LAMA3: variants seen among roughly 807,000 people sequenced by gnomAD.
LAMA3 encodes laminin subunit alpha-3.
LAMA3 carries 281 observed loss-of-function variants against 402.0 expected under a neutral mutation model. The ratio of observed to expected loss-of-function variants is 0.70; its 90% CI spans 0.63 to 0.77. LAMA3 has a LOEUF of 0.77. LAMA3 is among the 30% of genes least tolerant of loss of function. LAMA3 has a pLI of 0.00. For synonymous variants in LAMA3, 1,431 were observed against 1,558.4 expected (o/e 0.92, Z 1.93); for missense variants, 3,840 against 4,215.5 (o/e 0.91, Z 2.47).
Position 23,800,292 on chromosome 18 carries a change from G to A in LAMA3, c.1604-10074G>A, listed in dbSNP as rs1381334303. 2.6e-5 allele frequency among the ~76,000 whole-genome samples: 4 copies of A among 152,180 alleles called. No homozygotes were observed. In the East Asian group the frequency reaches 7.7e-4, roughly 29 times the overall value. ...GAAATAAAGTCCTCGGGTGATGTTC[G>A]AGCTTCCCCTTGATATCCTGTAACT... On this transcript the variant is annotated intron_variant, in intron 12 of 74. Coordinates refer to ENST00000313654, the MANE Select transcript of LAMA3 (RefSeq NM_198129.4).
chr18:23,733,602 T>C (rs1312520446), intron 2 of LAMA3, among the ~76,000 whole-genome samples: 1 of 152,222 alleles, frequency 6.6e-6, no homozygotes, highest in Admixed American at 6.5e-5. Flanking sequence ...GGTGGTGACA[T>C]AGCCAAACCA....
chr18:23,842,324 T>C lies in LAMA3; in HGVS notation c.3337-71T>C. 3 of 1,579,056 alleles carry C rather than the reference T, an allele frequency of 1.9e-6. No homozygotes were observed. The South Asian group carries it at 3.3e-5, about 18-fold the overall frequency. ...TGTTTTTTAACCTTTGAATACTCTATGATTCCAGTTATTCATAGCTCTTCA... is the reference window on the plus strand; with the variant it reads ...TGTTTTTTAACCTTTGAATACTCTACGATTCCAGTTATTCATAGCTCTTCA... On this transcript the variant is annotated intron_variant, in intron 27 of 74. Transcript: ENST00000313654.
chr18:23,899,509 CA>C (rs1404311581), intron 47 of LAMA3, 54 bp downstream of exon 47: 10 of 1,562,374 alleles, frequency 6.4e-6, no homozygotes, highest in Non-Finnish European at 8.8e-6. Flanking sequence ...ATTTGAAACA[CA>C]ACGTGCAGAG....
intron 11 of LAMA3, among the ~76,000 whole-genome samples, chr18:23,778,197 G>T (rs1187777159): frequency 2.0e-5 from 3 of 152,186 alleles, no homozygotes; most frequent in Non-Finnish European, 4.4e-5. Flanking sequence ...GGGTGAAGGG[G>T]TGAGTACTAG....
chr18:23,784,322 A>G (rs1466013661), intron 12 of LAMA3, among the ~76,000 whole-genome samples, 165 bp downstream of exon 12: 2 of 152,104 alleles, frequency 1.3e-5, no homozygotes, highest in Non-Finnish European at 2.9e-5. Flanking sequence ...GGACCTTGTC[A>G]CTTCCCTTCT....
At chr18:23,874,611 C>T (rs1340249330) in intron 38 of LAMA3, among the ~76,000 whole-genome samples, 1 of 152,228 alleles carries the variant, frequency 6.6e-6, no homozygotes, top group Non-Finnish European at 1.5e-5. Flanking sequence ...GAGGCTTCTG[C>T]CTCTCTCTCC....
intron 36 of LAMA3, among the ~76,000 whole-genome samples, 174 bp from the exon 37 acceptor site, chr18:23,867,660 T>C (rs2064396376): frequency 2.6e-5 from 4 of 152,222 alleles, no homozygotes; most frequent in African/African-American, 2.4e-5. Context: ...GTGTTACTTA[T>C]AATTATTCTG....
chr18:23,933,218 CAT>C (rs2082218638), intron 66 of LAMA3, among the ~76,000 whole-genome samples: 1 of 152,180 alleles, frequency 6.6e-6, no homozygotes, highest in African/African-American at 2.4e-5. Flanking sequence ...CGTATTTCCA[CAT>C]GACACCCATT....
chr18:23,694,243 A>T (rs1568082838), intron 1 of LAMA3, among the ~76,000 whole-genome samples: 1 of 152,214 alleles, frequency 6.6e-6, no homozygotes, highest in African/African-American at 2.4e-5. Context: ...GTTTAAAGTG[A>T]TTATGCACAT....
intron 37 of LAMA3, among the ~76,000 whole-genome samples, chr18:23,870,514 T>C (rs543651652): frequency 3.3e-5 from 5 of 152,094 alleles, no homozygotes; most frequent in Non-Finnish European, 5.9e-5. Context: ...GAAAACAGAA[T>C]CTTCACAAGA....
Position 23,901,283 on chromosome 18 carries a change from G to T in LAMA3, c.6161G>T (p.Gly2054Val), listed in dbSNP as rs2081062381. 1 of 1,614,184 alleles carries T rather than the reference G, an allele frequency of 6.2e-7. No homozygotes were observed. Among genetic ancestry groups the T allele is most frequent in the Non-Finnish European group, 8.5e-7 (1 of 1,180,032 alleles). Residue 2054 changes from glycine (G) to valine (V), a missense_variant, in exon 48 of 75, where the codon GGC becomes GTC. By Grantham distance (109) the Gly-to-Val change is moderately radical (BLOSUM62 -3). Around this residue, in one of 3 missense-constraint regions of LAMA3, gnomAD observed 891 missense variants for 857.5 expected, o/e 1.04. Transcript: ENST00000313654. ...GCTGCCCAAGCCAAGCAGGCAAATG[G>T]CTTGAACCAAGAAAACGAGAGAGCT... ...EAAAQAKQAN[G>V]LNQENERALG... is the part of the protein sequence containing the mutation.
intron 12 of LAMA3, 142 bp from the exon 13 acceptor site, chr18:23,810,224 G>A (rs2063040677): frequency 1.1e-6 from 1 of 947,472 alleles, no homozygotes; most frequent in East Asian, 2.5e-5. Flanking sequence ...CTTGTTTCAG[G>A]TTCCCGATCT....
chr18:23,939,776 GA>G (rs1389158373), intron 68 of LAMA3, among the ~76,000 whole-genome samples: 1 of 152,198 alleles, frequency 6.6e-6, no homozygotes, highest in African/African-American at 2.4e-5. Flanking sequence ...CGCAGTGCCA[GA>G]TAGATCATTT....
chr18:23,832,982 T>A (rs2063515631), intron 23 of LAMA3, among the ~76,000 whole-genome samples: 1 of 152,148 alleles, frequency 6.6e-6, no homozygotes, highest in Non-Finnish European at 1.5e-5. Flanking sequence ...CAGAACAATC[T>A]TAAGAGGGGG....
At chr18:23,926,885 T>C (rs2082018707) in intron 62 of LAMA3, among the ~76,000 whole-genome samples, 2 of 152,248 alleles carry the variant, frequency 1.3e-5, no homozygotes, top group Admixed American at 6.5e-5. Context: ...CGATCTCACA[T>C]TGAGTCCTTA....
At chr18:23,791,635 G>A in intron 12 of LAMA3, among the ~76,000 whole-genome samples, 1 of 150,982 alleles carries the variant, frequency 6.6e-6, no homozygotes, top group East Asian at 2.0e-4. Flanking sequence ...TTGGGAGGCT[G>A]AGGTGGGAAA....
At chr18:23,950,466 CTT>C (rs1329285770) in intron 72 of LAMA3, among the ~76,000 whole-genome samples, 1 of 152,174 alleles carries the variant, frequency 6.6e-6, no homozygotes, top group Non-Finnish European at 1.5e-5. Flanking sequence ...GATAATAACT[CTT>C]ATAACTTAAG....
chr18:23,881,686 C>T (rs2064899930), intron 39 of LAMA3, among the ~76,000 whole-genome samples: 1 of 152,206 alleles, frequency 6.6e-6, no homozygotes, highest in Non-Finnish European at 1.5e-5. Flanking sequence ...GATGGGGACT[C>T]AGCTGGCTTG....
chr18:23,751,908 C>T (rs913314080), intron 5 of LAMA3, among the ~76,000 whole-genome samples: 2 of 152,122 alleles, frequency 1.3e-5, no homozygotes, highest in South Asian at 2.1e-4. Flanking sequence ...AAAGACAGTC[C>T]ATTGGTTGCA....
Sources: gnomAD v4.1 joint callset for allele counts (sites outside exome capture counted in the v4.1 genomes callset) on GRCh38, gnomAD v4.1.1 for gene constraint, gnomAD v4.1.1 regional missense constraint, MANE v1.5 for transcripts, NCBI Gene and HGNC (gene_info 2026-07-23, HGNC 2026-07-21) for gene names.